PLEKHH2: variants seen among roughly 807,000 people sequenced by gnomAD.
The protein encoded by PLEKHH2 is pleckstrin homology, MyTH4 and FERM domain containing H2, also known as pleckstrin homology domain-containing family H member 2.
PLEKHH2 carries 129 observed loss-of-function variants against 187.9 expected under a neutral mutation model. That is an observed-to-expected ratio of 0.69 (90% CI 0.59 to 0.79). The LOEUF is 0.79. Among genes scored for constraint, PLEKHH2 ranks in the 30% least tolerant of loss-of-function variants. The pLI is 0.00. For missense variants in PLEKHH2, 2,076 were observed against 1,751.2 expected, an observed-to-expected ratio of 1.19 and a Z score of -3.31; for synonymous variants, 686 against 605.6, an observed-to-expected ratio of 1.13 and a Z score of -1.95.
At chr2:43,681,972 G>A (rs1668215345) in intron 3 of PLEKHH2, among the ~76,000 whole-genome samples, 1 of 152,114 alleles carries the variant, frequency 6.6e-6, no homozygotes, top group African/African-American at 2.4e-5. Flanking sequence ...GCACATACAA[G>A]AGTAGAGAAA....
chr2:43,727,326 C>T (rs979984758), intron 17 of PLEKHH2, among the ~76,000 whole-genome samples: 3 of 147,824 alleles, frequency 2.0e-5, no homozygotes, highest in African/African-American at 5.1e-5. Context: ...GCAGGGGAAT[C>T]GCTTGAACCC....
intron 7 of PLEKHH2, among the ~76,000 whole-genome samples, chr2:43,697,580 A>G (rs1669152538): frequency 6.6e-6 from 1 of 152,146 alleles, no homozygotes; most frequent in African/African-American, 2.4e-5. Flanking sequence ...CCTTCGTAAT[A>G]TATTTTTCCT....
intron 2 of PLEKHH2, among the ~76,000 whole-genome samples, chr2:43,676,822 A>G (rs1667823938): frequency 1.3e-5 from 2 of 152,144 alleles, no homozygotes; most frequent in Admixed American, 6.5e-5. Flanking sequence ...TCTCTCCATC[A>G]GTCTGTAAGA....
At chr2:43,718,337 A>C (rs945090680) in intron 15 of PLEKHH2, among the ~76,000 whole-genome samples, 1 of 152,160 alleles carries the variant, frequency 6.6e-6, no homozygotes, top group Non-Finnish European at 1.5e-5. Flanking sequence ...CAAGAGATTG[A>C]GACCATCCTG....
intron 2 of PLEKHH2, chr2:43,675,834 C>T: frequency 6.2e-7 from 1 of 1,613,984 alleles, no homozygotes; most frequent in South Asian, 1.1e-5. Context: ...GATAGAAGGG[C>T]TGGGATGCAT....
chr2:43,732,112 C>G (rs535146511), intron 19 of PLEKHH2, among the ~76,000 whole-genome samples: 20 of 152,248 alleles, frequency 1.3e-4, no homozygotes, highest in African/African-American at 4.6e-4. Context: ...TCCTGTAATC[C>G]CAGCACTTTG....
At chr2:43,686,915 T>A (rs771704413) in intron 3 of PLEKHH2, among the ~76,000 whole-genome samples, 19 of 152,148 alleles carry the variant, frequency 1.2e-4, no homozygotes, top group Non-Finnish European at 2.2e-4. Flanking sequence ...CATGCAAAGA[T>A]CCGTGTGTCC....
chr2:43,711,095 A>G (rs891295763), intron 14 of PLEKHH2: 4 of 986,224 alleles, frequency 4.1e-6, no homozygotes, highest in East Asian at 2.3e-4. Context: ...TTACTCACAC[A>G]TAAGGCCAGT....
At chr2:43,754,869 CTT>C (rs3066318) in intron 25 of PLEKHH2, among the ~76,000 whole-genome samples, 134 of 108,736 alleles carry the variant, frequency 1.2e-3, no homozygotes, top group Middle Eastern at 5.4e-3. Flanking sequence ...TTAAAATCAA[CTT>C]TTTTTTTTTT....
intron 24 of PLEKHH2, among the ~76,000 whole-genome samples, chr2:43,752,676 A>G (rs186253977): frequency 5.9e-5 from 9 of 152,204 alleles, no homozygotes; most frequent in African/African-American, 2.2e-4. Context: ...GTGTGTCAAG[A>G]TGTTGCTCAC....
Position 43,704,017 on chromosome 2 carries a change from C to A in PLEKHH2, c.1687C>A (p.Arg563=). 1.3e-6 allele frequency: 2 copies of A among 1,557,806 alleles called. No individual in the cohort carries two copies. The highest frequency in any genetic ancestry group is 1.7e-6 in the Non-Finnish European group (2 of 1,151,642). ...TTATGCTGTAGCCAAATCAGGTATT[C>A]GAATGTCTGAGGCCTTCAATATGGA... ...RIYAVAKSGI[R]MSEAFNMESV... Residue 563 remains arginine (R), a synonymous_variant, in exon 9 of 30, where the codon CGA becomes AGA. Coordinates refer to ENST00000282406, the MANE Select transcript of PLEKHH2 (RefSeq NM_172069.4).
intron 11 of PLEKHH2, 21 bp from the exon 12 acceptor site, chr2:43,709,969 T>C (rs764233207): frequency 2.5e-6 from 4 of 1,592,222 alleles, no homozygotes; most frequent in Non-Finnish European, 3.4e-6. Flanking sequence ...ACTGACTTGA[T>C]TTCTTTCTTT....
At chr2:43,644,446 GGCT>G (rs1666091459) in intron 1 of PLEKHH2, among the ~76,000 whole-genome samples, 1 of 85,464 alleles carries the variant, frequency 1.2e-5, no homozygotes, top group Admixed American at 9.7e-5. Context: ...AGCACAGTTG[GGCT>G]CCATCCAGCC....
chr2:43,688,762 C>G (rs1228531894), intron 3 of PLEKHH2, among the ~76,000 whole-genome samples: 1 of 152,160 alleles, frequency 6.6e-6, no homozygotes, highest in Non-Finnish European at 1.5e-5. Flanking sequence ...CAGGAGAAAT[C>G]AGGTATGAGC....
At chr2:43,759,946 T>C (rs1325003442) in intron 27 of PLEKHH2, among the ~76,000 whole-genome samples, 1 of 152,234 alleles carries the variant, frequency 6.6e-6, no homozygotes, top group Admixed American at 6.5e-5. Flanking sequence ...TGAGTGACTA[T>C]ATTATTGATA....
intron 2 of PLEKHH2, among the ~76,000 whole-genome samples, chr2:43,649,783 G>GCT (rs1666374618): frequency 6.6e-6 from 1 of 152,150 alleles, no homozygotes; most frequent in Non-Finnish European, 1.5e-5. Context: ...TCTTTCATGG[G>GCT]GTCTGTGGGG....
intron 28 of PLEKHH2, among the ~76,000 whole-genome samples, chr2:43,763,941 C>A (rs921740816): frequency 1.3e-5 from 2 of 151,898 alleles, no homozygotes; most frequent in Non-Finnish European, 2.9e-5. Flanking sequence ...AGTGGCTTTC[C>A]ACTAGATGCT....
intron 15 of PLEKHH2, among the ~76,000 whole-genome samples, chr2:43,717,578 T>C (rs1195696180): frequency 3.3e-5 from 5 of 151,758 alleles, no homozygotes; most frequent in Non-Finnish European, 5.9e-5. Context: ...AGGATTAGGG[T>C]ATGGCTGAGG....
At chr2:43,733,071 C>T (rs1054670934) in intron 19 of PLEKHH2, among the ~76,000 whole-genome samples, 1 of 152,136 alleles carries the variant, frequency 6.6e-6, no homozygotes, top group African/African-American at 2.4e-5. Context: ...CCTCAAAGCC[C>T]TCCCCTTGCA....
Sources: allele counts gnomAD v4.1 joint callset (sites outside exome capture counted in the v4.1 genomes callset), GRCh38; gene constraint gnomAD v4.1.1; transcripts MANE v1.5; gene names NCBI Gene and HGNC (gene_info 2026-07-23, HGNC 2026-07-21).